PDGFD: variants seen among roughly 807,000 people sequenced by gnomAD.
PDGFD encodes the protein platelet derived growth factor D, also known as platelet-derived growth factor D.
A neutral mutation model predicts 44.7 loss-of-function variants in PDGFD; 30 were observed. The ratio of observed to expected loss-of-function variants is 0.67; its 90% CI spans 0.50 to 0.91. The LOEUF (loss-of-function observed/expected upper bound fraction) is 0.91. Among genes scored for constraint, PDGFD ranks in the 40% least tolerant of loss-of-function variants. PDGFD has a pLI of 0.00. For missense variants in PDGFD, 445 were observed against 457.8 expected, an observed-to-expected ratio of 0.97 and a Z score of 0.25; for synonymous variants, 173 against 168.4, an observed-to-expected ratio of 1.03 and a Z score of -0.21.
intron 1 of PDGFD, among the ~76,000 whole-genome samples, chr11:104,029,785 T>A (rs1422804301): frequency 2.0e-5 from 3 of 152,218 alleles, no homozygotes; most frequent in Admixed American, 1.3e-4. Context: ...AAGAGTCTCA[T>A]GTCACAGAGG....
chr11:103,960,672 G>A (rs755204360), intron 3 of PDGFD, among the ~76,000 whole-genome samples: 2 of 152,048 alleles, frequency 1.3e-5, no homozygotes, highest in Non-Finnish European at 2.9e-5. Flanking sequence ...CCATTATCTC[G>A]AATTATCTTG....
chr11:104,011,279 C>CTGAGAGTTAGTTTGGTTTATCA (rs1445330972), intron 1 of PDGFD, among the ~76,000 whole-genome samples: 1 of 151,988 alleles, frequency 6.6e-6, no homozygotes, highest in East Asian at 1.9e-4. Flanking sequence ...CAGGAGAAAG[C>CTGAGAGTTAGTTTGGTTTATCA]TGAGAGTTAG....
chr11:103,919,743 A>G (rs1858182978), intron 6 of PDGFD, among the ~76,000 whole-genome samples: 1 of 152,002 alleles, frequency 6.6e-6, no homozygotes, highest in African/African-American at 2.4e-5. Context: ...TCCTGACCTC[A>G]GGTGATCTGC....
intron 1 of PDGFD, among the ~76,000 whole-genome samples, chr11:104,123,082 G>C (rs918691528): frequency 1.3e-5 from 2 of 151,864 alleles, no homozygotes; most frequent in African/African-American, 2.4e-5. Flanking sequence ...TGTTTTCCTA[G>C]GAATTTCCAT....
chr11:104,058,302 G>A (rs985596128), intron 1 of PDGFD, among the ~76,000 whole-genome samples: 2 of 152,140 alleles, frequency 1.3e-5, no homozygotes, highest in Non-Finnish European at 2.9e-5. Flanking sequence ...TCACCGATAA[G>A]AAGAAAAATA....
intron 2 of PDGFD, among the ~76,000 whole-genome samples, chr11:103,998,383 G>T (rs1859569194): frequency 6.6e-6 from 1 of 152,166 alleles, no homozygotes; most frequent in South Asian, 2.1e-4. Flanking sequence ...GGGAGGGAGA[G>T]GGCCTGGAGA....
At chr11:103,997,092 C>T (rs1859544372) in intron 2 of PDGFD, among the ~76,000 whole-genome samples, 1 of 152,178 alleles carries the variant, frequency 6.6e-6, no homozygotes, top group African/African-American at 2.4e-5. Context: ...CTAGGGAGCA[C>T]TTATTCTATT....
chr11:103,957,185 GT>G (rs1382906436), intron 3 of PDGFD, among the ~76,000 whole-genome samples: 1 of 152,108 alleles, frequency 6.6e-6, no homozygotes, highest in Non-Finnish European at 1.5e-5. Flanking sequence ...GGTTTTTATG[GT>G]TTTAGGTCTA....
At chr11:104,085,059 G>A (rs1565330300) in intron 1 of PDGFD, among the ~76,000 whole-genome samples, 1 of 150,736 alleles carries the variant, frequency 6.6e-6, no homozygotes, top group Non-Finnish European at 1.5e-5. Context: ...ATTAATTTTG[G>A]TACAATACAA....
chr11:104,009,946 A>G (rs1859758490), intron 1 of PDGFD, among the ~76,000 whole-genome samples: 1 of 152,130 alleles, frequency 6.6e-6, no homozygotes, highest in Non-Finnish European at 1.5e-5. Flanking sequence ...TTTTTGGTTA[A>G]CACATGTTCC....
At chr11:103,938,163 C>T (rs1858522783) in intron 5 of PDGFD, among the ~76,000 whole-genome samples, 1 of 152,054 alleles carries the variant, frequency 6.6e-6, no homozygotes, top group Non-Finnish European at 1.5e-5. Context: ...AGTTCACAGT[C>T]CCACCAACAG....
intron 1 of PDGFD, among the ~76,000 whole-genome samples, chr11:104,115,273 G>T (rs897555809): frequency 2.7e-5 from 4 of 146,578 alleles, no homozygotes; most frequent in African/African-American, 1.0e-4. Flanking sequence ...ATATATATAT[G>T]TATGTATATA....
At chr11:103,980,586 T>G (rs1859255394) in intron 3 of PDGFD, among the ~76,000 whole-genome samples, 1 of 152,012 alleles carries the variant, frequency 6.6e-6, no homozygotes. Flanking sequence ...TTCTCTTACT[T>G]TATGGGATTC....
intron 3 of PDGFD, among the ~76,000 whole-genome samples, chr11:103,972,210 T>C (rs1367038678): frequency 6.6e-6 from 1 of 152,216 alleles, no homozygotes; most frequent in African/African-American, 2.4e-5. Context: ...GAGTTGGGGA[T>C]GGGTGGCCTG....
rs950607455 is a variant in PDGFD, at chr11:104,112,598, A to G, written c.124+51206T>C. Among the ~76,000 whole-genome samples, 6 of 152,130 alleles carry G rather than the reference A, an allele frequency of 3.9e-5. No individual in the cohort carries two copies. In the East Asian group the frequency reaches 1.2e-3, roughly 29 times the overall value. ...AATGTTCACTGTAGCACTATTCACA[A>G]TGGTAAAGACATGGAATCAACCTAA... On this transcript the variant is annotated intron_variant, in intron 1 of 6. Transcript: ENST00000393158.
chr11:103,919,649 C>T (rs924897507), intron 6 of PDGFD, among the ~76,000 whole-genome samples: 2 of 151,882 alleles, frequency 1.3e-5, no homozygotes, highest in Admixed American at 6.6e-5. Flanking sequence ...GCTGGGACTA[C>T]AGGCACGTGC....
At chr11:104,157,615 G>A (rs1358821714) in intron 1 of PDGFD, among the ~76,000 whole-genome samples, 3 of 152,066 alleles carry the variant, frequency 2.0e-5, no homozygotes, top group East Asian at 1.9e-4. Flanking sequence ...AAGGCAGCAC[G>A]GTCAACCCCT....
intron 1 of PDGFD, among the ~76,000 whole-genome samples, chr11:104,009,439 A>ATTATTATTATTATTATTG: frequency 6.6e-6 from 1 of 151,286 alleles, no homozygotes; most frequent in Non-Finnish European, 1.5e-5. Flanking sequence ...CATTATTATT[A>ATTATTATTATTATTATTG]TTATTATTAT....
intron 1 of PDGFD, among the ~76,000 whole-genome samples, chr11:104,119,124 GATATAATATATAATATATTA>G (rs1861704170): frequency 1.4e-4 from 1 of 7,004 alleles, no homozygotes; most frequent in African/African-American, 3.4e-4. Flanking sequence ...ATAATATATT[GATATAATATATAATATATTA>G]ATATAATATA....
Sources: allele counts gnomAD v4.1 joint callset (sites outside exome capture counted in the v4.1 genomes callset), GRCh38; gene constraint gnomAD v4.1.1; transcripts MANE v1.5; gene names NCBI Gene and HGNC (gene_info 2026-07-23, HGNC 2026-07-21).